Variants in NENF observed in about 807,000 individuals in gnomAD.
NENF encodes the protein neudesin neurotrophic factor, also known as neudesin.
Under a neutral mutation model 14.8 loss-of-function variants are expected in NENF, and 6 were observed. That is an observed-to-expected ratio of 0.40 (90% confidence interval 0.22 to 0.80). The LOEUF is 0.80. Among genes scored for constraint, NENF ranks in the 30% least tolerant of loss-of-function variants. The pLI is 0.34. For synonymous variants in NENF, 76 were observed against 95.1 expected (o/e 0.80, Z 1.17); for missense variants, 184 against 212.7 (o/e 0.87, Z 0.84).
At chr1:212,438,780 C>T (rs554868410) in intron 1 of NENF, among the ~76,000 whole-genome samples, 7 of 152,088 alleles carry the variant, frequency 4.6e-5, no homozygotes, top group Non-Finnish European at 8.8e-5. Context: ...CCACACCCGG[C>T]TAATTTTTGT....
chr1:212,446,017 G>C lies in NENF; in HGVS notation c.*11G>C. On this transcript the variant is annotated 3_prime_UTR_variant, in exon 4 of 4. Coordinates refer to ENST00000366988, the MANE Select transcript of NENF (RefSeq NM_013349.5). ...AAGGATGAGTTCTGATGTTCCCCCT[G>C]CAGGAGCAGGTTCTTGGGAGCGTGA... The C allele has an allele frequency of 6.2e-7, 1 of 1,613,968 alleles. No individual in the cohort carries two copies. The highest frequency in any genetic ancestry group is 1.7e-5 in the Admixed American group (1 of 60,028).
intron 1 of NENF, among the ~76,000 whole-genome samples, chr1:212,435,822 C>T (rs758468129): frequency 1.1e-4 from 16 of 152,076 alleles, no homozygotes; most frequent in Non-Finnish European, 2.1e-4. Context: ...TGGGAATACA[C>T]GTGTGAGCCT....
At chr1:212,444,162 C>G (rs61830681) in intron 2 of NENF, among the ~76,000 whole-genome samples, 177 bp from the exon 3 acceptor site, 542 of 152,324 alleles carry the variant, frequency 3.6e-3, no homozygotes, top group Non-Finnish European at 6.6e-3. Context: ...TAAGTGGAAT[C>G]CAACCTGATG....
At position 212,445,834 on chromosome 1, in the gene NENF, G is replaced by A. The variant is rs1331983333; in HGVS notation, c.347G>A (p.Gly116Asp). 1 of 1,614,208 alleles carries A rather than the reference G, an allele frequency of 6.2e-7. No homozygotes were observed. Among genetic ancestry groups the A allele is most frequent in the East Asian group, 2.2e-5 (1 of 44,890 alleles). Residue 116 changes from glycine (G) to aspartate (D), a missense_variant, in exon 4 of 4, where the codon GGT becomes GAT. Coordinates refer to ENST00000366988, the MANE Select transcript of NENF (RefSeq NM_013349.5). ...TCTTGGGCTTTTCTCCCCAAGACGG[G>A]TCTCACGGCCAAGGAACTGGAGGCC... ...DPADLTHDTT[G>D]LTAKELEALD...
intron 1 of NENF, among the ~76,000 whole-genome samples, chr1:212,439,763 G>C (rs1662671662): frequency 6.6e-6 from 1 of 151,622 alleles, no homozygotes; most frequent in Non-Finnish European, 1.5e-5. Context: ...TGGAGGCTGA[G>C]GCAGGAGAAT....
At chr1:212,444,981 G>A (rs2102572050) in intron 3 of NENF, among the ~76,000 whole-genome samples, 1 of 152,302 alleles carries the variant, frequency 6.6e-6, no homozygotes, top group Middle Eastern at 3.4e-3. Context: ...TAGGCCAGGA[G>A]TGGTGGATCA....
In NENF at chr1:212,446,224, A is replaced by G. The variant is rs551324424; in HGVS notation, c.*218A>G. On this transcript the variant is annotated 3_prime_UTR_variant, in exon 4 of 4. Coordinates refer to ENST00000366988, the MANE Select transcript of NENF (RefSeq NM_013349.5). Reference sequence around the variant, plus strand: ...CACACCAGGGATCAATAAGAGCCAAAGTGGGACACCTCCTAGATGTCAGTA... The same window carrying G: ...CACACCAGGGATCAATAAGAGCCAAGGTGGGACACCTCCTAGATGTCAGTA... 5.5e-6 allele frequency: 3 copies of G among 545,040 alleles called. No homozygotes were observed. The highest frequency in any genetic ancestry group is 2.5e-5 in the South Asian group (1 of 39,234). The allele number at this position is 545,040 out of a possible 1,614,324, so 33.8% of individuals were successfully genotyped here.
rs756864727 is a variant in NENF, at chr1:212,442,564, G to A, written c.178-1G>A. On this transcript the variant is annotated splice_acceptor_variant, in intron 1 of 3. Transcript: ENST00000366988. LOFTEE classifies it high-confidence loss of function. ...TTCACAGCTTCTCCCCTGCTTTCTAGGAAGATCAGCCCATCTACTTGGCAG... is the reference window on the plus strand; with the variant it reads ...TTCACAGCTTCTCCCCTGCTTTCTAAGAAGATCAGCCCATCTACTTGGCAG... The A allele has an allele frequency of 2.5e-6, 4 of 1,612,614 alleles. No homozygotes were observed. The South Asian group carries it at 4.4e-5, about 18-fold the overall frequency.
intron 1 of NENF, chr1:212,435,127 T>A (rs1662582923): frequency 6.6e-6 from 1 of 152,242 alleles, no homozygotes. Flanking sequence ...GTATAATACA[T>A]TGGATCATAC....
chr1:212,442,978 T>C (rs1662720715), intron 2 of NENF, among the ~76,000 whole-genome samples: 3 of 152,148 alleles, frequency 2.0e-5, no homozygotes, highest in Admixed American at 2.0e-4. Context: ...TCTGACCTTG[T>C]GATCCACCCG....
chr1:212,446,107 A>C lies in NENF; in HGVS notation c.*101A>C. The C allele has an allele frequency of 8.7e-7, 1 of 1,148,098 alleles. No individual in the cohort carries two copies. The highest frequency in any genetic ancestry group is 1.3e-6 in the Non-Finnish European group (1 of 787,284). 71.1% of individuals were successfully genotyped at this position (1,148,098 alleles called of 1,614,324 possible). ...GCTGCCTGGAGGCCCTGAGCCACCC[A>C]GATCTGAATAAAACAGATGCTTACC... On this transcript the variant is annotated 3_prime_UTR_variant, in exon 4 of 4. Coordinates refer to ENST00000366988, the MANE Select transcript of NENF (RefSeq NM_013349.5).
chr1:212,444,251 C>T lies in NENF; in HGVS notation c.239-88C>T, dbSNP rs113115770. 5,069 of 753,076 alleles carry T rather than the reference C, an allele frequency of 6.7e-3. 191 individuals carry two copies. The African/African-American group carries it at 0.08, about 12-fold the overall frequency. 46.6% of individuals were successfully genotyped at this position (753,076 alleles called of 1,614,324 possible). A position where few individuals can be genotyped will look rare whatever the true frequency, so the allele number is the denominator to read the frequency against. ...GTGGAGTCTTTTTTAGGATTGGGTG[C>T]GGGCCTTGGGAGCGCCCCCACGTGC... On this transcript the variant is annotated intron_variant, in intron 2 of 3. Transcript: ENST00000366988.
chr1:212,442,035 GGAGTCTCA>G (rs1662706386), intron 1 of NENF, among the ~76,000 whole-genome samples: 1 of 151,786 alleles, frequency 6.6e-6, no homozygotes, highest in Non-Finnish European at 1.5e-5. Flanking sequence ...TTTTTGAGAC[GGAGTCTCA>G]CTGTGTCACC....
At chr1:212,436,313 T>G (rs1662600470) in intron 1 of NENF, among the ~76,000 whole-genome samples, 1 of 148,482 alleles carries the variant, frequency 6.7e-6, no homozygotes, top group Non-Finnish European at 1.5e-5. Context: ...GGGTCTTTTT[T>G]TTTTTTTTTT....
At position 212,437,057 on chromosome 1, in the gene NENF, G is replaced by A. The variant is rs764790923; in HGVS notation, c.177+3937G>A. ...CTTAGCACCGTAAGTCTTAATAAAT[G>A]TTAGCTACTATTATTTTTTATTACC... On this transcript the variant is annotated intron_variant, in intron 1 of 3. Transcript: ENST00000366988. 4.8e-4 allele frequency among the ~76,000 whole-genome samples: 73 copies of A among 152,096 alleles called. 2 individuals carry two copies. Among genetic ancestry groups the A allele is most frequent in the Admixed American group, 7.9e-4 (12 of 15,262 alleles).
At chr1:212,439,883 T>C (rs1405863432) in intron 1 of NENF, among the ~76,000 whole-genome samples, 1 of 146,156 alleles carries the variant, frequency 6.8e-6, no homozygotes, top group East Asian at 2.0e-4. Flanking sequence ...AAGAAAAGAG[T>C]GTTAGTGATA....
intron 3 of NENF, 141 bp from the exon 4 acceptor site, chr1:212,445,689 T>C (rs2102572451): frequency 5.7e-6 from 2 of 351,234 alleles, no homozygotes; most frequent in African/African-American, 4.8e-5. Flanking sequence ...TCTTAAGCCA[T>C]TTGTCCATTA....
intron 1 of NENF, among the ~76,000 whole-genome samples, chr1:212,441,523 G>A (rs1287684829): frequency 6.6e-6 from 1 of 152,054 alleles, no homozygotes; most frequent in East Asian, 1.9e-4. Flanking sequence ...GGTGGCTCAC[G>A]TCGGTAATCC....
chr1:212,435,966 A>C (rs1662595549), intron 1 of NENF, among the ~76,000 whole-genome samples: 1 of 152,230 alleles, frequency 6.6e-6, no homozygotes, highest in Non-Finnish European at 1.5e-5. Flanking sequence ...AGACAAAAGA[A>C]AGTGTTACTA....
Sources: allele counts gnomAD v4.1 joint callset (sites outside exome capture counted in the v4.1 genomes callset), GRCh38; gene constraint gnomAD v4.1.1; transcripts MANE v1.5; gene names NCBI Gene and HGNC (gene_info 2026-07-23, HGNC 2026-07-21).